The following AKAP12 variants were observed in gnomAD, a reference collection of about 807,000 sequenced individuals.
The protein encoded by AKAP12 is A-kinase anchoring protein 12, also known as A-kinase anchor protein 12.
In AKAP12, 32 loss-of-function variants were observed where a neutral mutation model predicts 79.9. The observed-to-expected ratio is 0.40, with a 90% CI of 0.30 to 0.54. The LOEUF (loss-of-function observed/expected upper bound fraction) is 0.54. Ranked by LOEUF, AKAP12 falls within the 20% of genes least tolerant of loss-of-function variation. The pLI is 0.48. For missense variants in AKAP12, 2,074 were observed against 2,177.0 expected, an observed-to-expected ratio of 0.95 and a Z score of 0.94; for synonymous variants, 808 against 857.0, an observed-to-expected ratio of 0.94 and a Z score of 1.00.
In AKAP12 at chr6:151,311,991, C is replaced by T. The variant is rs578119061; in HGVS notation, c.319+6088C>T. Among the ~76,000 whole-genome samples the T allele has an allele frequency of 2.0e-5, 3 of 152,342 alleles. No homozygotes were observed. In the East Asian group the frequency reaches 5.8e-4, roughly 29 times the overall value. ...TCTGCAAGAGGCTGCTTTCTCTGCC[C>T]AGAAGGAATATTTTTATGATTTGAT... On this transcript the variant is annotated intron_variant, in intron 3 of 4. Coordinates refer to ENST00000402676, the MANE Select transcript of AKAP12 (RefSeq NM_005100.4).
intron 2 of AKAP12, among the ~76,000 whole-genome samples, chr6:151,297,026 T>TTTTTTG (rs1224659857): frequency 2.0e-5 from 3 of 151,176 alleles, no homozygotes; most frequent in East Asian, 3.9e-4. Context: ...AGGGTTTTTT[T>TTTTTTG]TTTTTTTTTT....
intron 2 of AKAP12, among the ~76,000 whole-genome samples, chr6:151,283,316 G>A (rs1040821054): frequency 1.3e-5 from 2 of 152,182 alleles, no homozygotes; most frequent in African/African-American, 4.8e-5. Context: ...AAAAGAAATG[G>A]TAGGATTTGA....
chr6:151,289,618 C>G (rs1400646693), intron 2 of AKAP12, among the ~76,000 whole-genome samples: 1 of 151,994 alleles, frequency 6.6e-6, no homozygotes, highest in Non-Finnish European at 1.5e-5. Context: ...GCAAGATGTG[C>G]AATATAACTG....
chr6:151,302,462 A>G (rs539131922), intron 2 of AKAP12, among the ~76,000 whole-genome samples: 1 of 152,306 alleles, frequency 6.6e-6, no homozygotes, highest in East Asian at 1.9e-4. Flanking sequence ...CCGGCTCAGT[A>G]ACATTTCTAA....
At chr6:151,253,605 T>G (rs1797233219) in intron 2 of AKAP12, among the ~76,000 whole-genome samples, 1 of 152,190 alleles carries the variant, frequency 6.6e-6, no homozygotes, top group Non-Finnish European at 1.5e-5. Context: ...ACTTTGAACT[T>G]ACACTTGATA....
At chr6:151,276,492 A>G (rs1319472544) in intron 2 of AKAP12, among the ~76,000 whole-genome samples, 1 of 152,226 alleles carries the variant, frequency 6.6e-6, no homozygotes, top group African/African-American at 2.4e-5. Context: ...TAGGGCTGTA[A>G]TGGAATTGAG....
intron 2 of AKAP12, among the ~76,000 whole-genome samples, chr6:151,268,050 T>C (rs1441889909): frequency 1.3e-5 from 2 of 152,056 alleles, no homozygotes; most frequent in Non-Finnish European, 1.5e-5. Flanking sequence ...CATCCCCAAC[T>C]CCCATTTTAT....
In AKAP12 at chr6:151,293,537, G is replaced by A. The variant is rs959316713; in HGVS notation, c.163-12210G>A. Among the ~76,000 whole-genome samples the A allele has an allele frequency of 2.6e-5, 4 of 152,306 alleles. No individual in the cohort carries two copies. The East Asian group carries it at 7.7e-4, about 29-fold the overall frequency. On this transcript the variant is annotated intron_variant, in intron 2 of 4. Transcript: ENST00000402676. ...GGTGCATCAGCTCAGAGCAGCGGGT[G>A]GTGGGGAACTTGTCTTAGACATTCA... is the stretch of plus-strand genomic sequence containing the variant.
In AKAP12 at chr6:151,347,926, C is replaced by G. The variant is rs375429616; in HGVS notation, c.320-785C>G. On this transcript the variant is annotated intron_variant, in intron 3 of 4. Transcript: ENST00000402676. The stretch of plus-strand genomic sequence containing the variant: ...TTGGCTCACGCCTGTAATCCCAGCA[C>G]TTTGGGAGGCAGAGGTGGGTGGATC... Among the ~76,000 whole-genome samples, 24 of 151,798 alleles carry G rather than the reference C, an allele frequency of 1.6e-4. No homozygotes were observed. The South Asian group carries it at 4.2e-3, about 26-fold the overall frequency.
chr6:151,255,260 G>C (rs904855300), intron 2 of AKAP12, among the ~76,000 whole-genome samples: 2 of 151,970 alleles, frequency 1.3e-5, no homozygotes, highest in Non-Finnish European at 2.9e-5. Flanking sequence ...CTGCCTCCCG[G>C]GTTCAAGCAG....
chr6:151,321,906 T>TTGTTTTTTG lies in AKAP12; in HGVS notation c.319+16004_319+16005insGTTTTTTGT, dbSNP rs1562737987. 3.9e-3 allele frequency among the ~76,000 whole-genome samples: 339 copies of TTGTTTTTTG among 86,238 alleles called. 1 individual carries two copies. Among genetic ancestry groups the TTGTTTTTTG allele is most frequent in the African/African-American group, 0.02 (327 of 16,020 alleles). The allele number at this position is 86,238 out of a possible 152,430, so 56.6% of individuals were successfully genotyped here. A position where few individuals can be genotyped will look rare whatever the true frequency, so the allele number is the denominator to read the frequency against. The stretch of plus-strand genomic sequence containing the variant: ...AAACCAGGCACATCAGCTTTATGTT[T>TTGTTTTTTG]TTTTTTTTTTTTTTTTTTTTTTGAC... On this transcript the variant is annotated intron_variant, in intron 3 of 4. Coordinates refer to ENST00000402676, the MANE Select transcript of AKAP12 (RefSeq NM_005100.4).
At chr6:151,278,285 G>A (rs1339608623) in intron 2 of AKAP12, among the ~76,000 whole-genome samples, 2 of 151,982 alleles carry the variant, frequency 1.3e-5, no homozygotes, top group Admixed American at 6.5e-5. Flanking sequence ...GTGCGATCTC[G>A]GCTCACTGCA....
chr6:151,322,721 C>CGCCACTGGGTGTGTCCACCACCCACTCCT (rs1562738518), intron 3 of AKAP12, among the ~76,000 whole-genome samples: 1 of 143,588 alleles, frequency 7.0e-6, no homozygotes, highest in African/African-American at 2.9e-5. Context: ...CACCCACTCC[C>CGCCACTGGGTGTGTCCACCACCCACTCCT]GCCACTGGGC....
At chr6:151,284,780 C>A in intron 2 of AKAP12, among the ~76,000 whole-genome samples, 1 of 152,168 alleles carries the variant, frequency 6.6e-6, no homozygotes, top group East Asian at 1.9e-4. Flanking sequence ...GAAAGAGACC[C>A]CTCCCTGTTA....
intron 3 of AKAP12, chr6:151,348,391 T>C (rs1226245257): frequency 2.0e-6 from 1 of 497,930 alleles, no homozygotes; most frequent in Non-Finnish European, 3.9e-6. Context: ...GTAATCCCAC[T>C]GCTTTGAGAA....
At position 151,350,558 on chromosome 6, in the gene AKAP12, A is replaced by G. The variant is rs1399792327; in HGVS notation, c.2167A>G (p.Thr723Ala). The G allele has an allele frequency of 3.1e-6, 5 of 1,614,112 alleles. No homozygotes were observed. The Admixed American group carries it at 6.7e-5, about 22-fold the overall frequency. The change falls in exon 4 of 5, where the codon ACG becomes GCG. Residue 723 changes from threonine to alanine, a missense_variant. Physicochemically the swap from Thr to Ala is moderately conservative, Grantham distance 58 (BLOSUM62 0). Coordinates refer to ENST00000402676, the MANE Select transcript of AKAP12 (RefSeq NM_005100.4). This position sits in a 1 kb window ranked among gnomAD's most constrained non-coding sequence, Gnocchi z 4.8. ...KADEAGKDKE[T>A]GTDGILAGSQ... is the part of the protein sequence containing the mutation. Reference sequence around the variant, plus strand: ...TGATGAGGCCGGAAAAGACAAAGAGACGGGGACAGACGGGATCCTTGCTGG... The same window carrying G: ...TGATGAGGCCGGAAAAGACAAAGAGGCGGGGACAGACGGGATCCTTGCTGG...
rs540255310 is a variant in AKAP12 at position 151,345,198 on chromosome 6, C to T, written c.320-3513C>T. Among the ~76,000 whole-genome samples, 79 of 151,938 alleles carry T rather than the reference C, an allele frequency of 5.2e-4. No homozygotes were observed. In the East Asian group the frequency reaches 7.7e-3, roughly 15 times the overall value. On this transcript the variant is annotated intron_variant, in intron 3 of 4. Coordinates refer to ENST00000402676, the MANE Select transcript of AKAP12 (RefSeq NM_005100.4). ...TCACACCATTCTCCTTCCTCAGTCTCCTGAGTAGCTGGGATTACAGGCGCC... is the reference window on the plus strand; with the variant it reads ...TCACACCATTCTCCTTCCTCAGTCTTCTGAGTAGCTGGGATTACAGGCGCC...
At chr6:151,278,625 C>G (rs1776332278) in intron 2 of AKAP12, among the ~76,000 whole-genome samples, 1 of 151,808 alleles carries the variant, frequency 6.6e-6, no homozygotes. Context: ...ATCACTTTCT[C>G]TCTGAGATGA....
At chr6:151,289,490 A>G (rs1302418436) in intron 2 of AKAP12, among the ~76,000 whole-genome samples, 1 of 152,244 alleles carries the variant, frequency 6.6e-6, no homozygotes, top group Admixed American at 6.5e-5. Context: ...GCAAAAAGCC[A>G]AAAACCCATC....
Sources: gnomAD v4.1 joint callset for allele counts (sites outside exome capture counted in the v4.1 genomes callset) on GRCh38, gnomAD v4.1.1 for gene constraint, Gnocchi (gnomAD v3.1) non-coding constraint, MANE v1.5 for transcripts, NCBI Gene and HGNC (gene_info 2026-07-23, HGNC 2026-07-21) for gene names.